Variants in PDSS2 observed in about 807,000 individuals in gnomAD.
The protein encoded by PDSS2 is decaprenyl diphosphate synthase subunit 2.
Under a neutral mutation model 44.5 loss-of-function variants are expected in PDSS2, and 31 were observed. The ratio of observed to expected loss-of-function variants is 0.70; its 90% CI spans 0.52 to 0.94. The LOEUF (loss-of-function observed/expected upper bound fraction) is 0.94, where lower values mean the gene tolerates loss of function less well. PDSS2 is among the 40% of genes least tolerant of loss of function. The probability of loss-of-function intolerance (pLI) is 0.00; values close to 1 mark genes in which losing one functional copy is unlikely to be tolerated. For missense variants in PDSS2, 452 were observed against 482.2 expected, an observed-to-expected ratio of 0.94 and a Z score of 0.59; for synonymous variants, 157 against 180.3, an observed-to-expected ratio of 0.87 and a Z score of 1.03.
At chr6:107,415,490 C>T (rs2114673494) in intron 1 of PDSS2, among the ~76,000 whole-genome samples, 1 of 152,148 alleles carries the variant, frequency 6.6e-6, no homozygotes, top group East Asian at 1.9e-4. Context: ...GGATTACTGT[C>T]TCCTTTGGTT....
intron 2 of PDSS2, among the ~76,000 whole-genome samples, chr6:107,326,389 C>A (rs980351858): frequency 2.0e-5 from 3 of 151,674 alleles, no homozygotes; most frequent in African/African-American, 7.3e-5. Context: ...GGATTACAGG[C>A]GTAAGCCACT....
intron 1 of PDSS2, among the ~76,000 whole-genome samples, chr6:107,363,451 C>T (rs941134059): frequency 2.0e-5 from 3 of 152,084 alleles, no homozygotes; most frequent in Admixed American, 6.5e-5. Flanking sequence ...CAGACCTTCG[C>T]GGTGAGTGTT....
intron 3 of PDSS2, among the ~76,000 whole-genome samples, chr6:107,247,499 A>G (rs1489886240): frequency 6.6e-6 from 1 of 152,210 alleles, no homozygotes; most frequent in African/African-American, 2.4e-5. Context: ...ACTTGAACAG[A>G]ACACACCTCC....
intron 3 of PDSS2, among the ~76,000 whole-genome samples, chr6:107,261,578 CTTTTTTTT>C (rs36106088): frequency 1.8e-5 from 2 of 112,842 alleles, no homozygotes; most frequent in African/African-American, 3.0e-5. Context: ...TCTTTTCTTT[CTTTTTTTT>C]TTTTTTTTTT....
chr6:107,301,323 G>C (rs2115064574), intron 2 of PDSS2, among the ~76,000 whole-genome samples: 1 of 152,254 alleles, frequency 6.6e-6, no homozygotes, highest in Non-Finnish European at 1.5e-5. Context: ...TGTGATTTTA[G>C]AGTAATAAAG....
intron 7 of PDSS2, among the ~76,000 whole-genome samples, chr6:107,161,925 T>G (rs1554246778): frequency 6.6e-6 from 1 of 152,216 alleles, no homozygotes; most frequent in Non-Finnish European, 1.5e-5. Context: ...GATAGTGATA[T>G]GCTAGTAAAT....
Position 107,201,390 on chromosome 6 carries a change from C to CAAAAAAAAAAAA in PDSS2, c.1009-7548_1009-7537dup, listed in dbSNP as rs747612959. 7.4e-3 allele frequency among the ~76,000 whole-genome samples: 384 copies of CAAAAAAAAAAAA among 51,912 alleles called. 11 individuals carry two copies. Among genetic ancestry groups the CAAAAAAAAAAAA allele is most frequent in the Middle Eastern group, 0.023 (1 of 44 alleles). 34.1% of individuals were successfully genotyped at this position (51,912 alleles called of 152,430 possible). A position where few individuals can be genotyped will look rare whatever the true frequency, so the allele number is the denominator to read the frequency against. On this transcript the variant is annotated intron_variant, in intron 6 of 7. Coordinates refer to ENST00000369037, the MANE Select transcript of PDSS2 (RefSeq NM_020381.4). ...TGTAAAACAATATTCCATACAAAAG[C>CAAAAAAAAAAAA]AAAAAAAAAAAAAAAAAAAAAAAAG...
chr6:107,314,102 A>G (rs995240668), intron 2 of PDSS2, among the ~76,000 whole-genome samples: 3 of 152,200 alleles, frequency 2.0e-5, no homozygotes, highest in African/African-American at 7.2e-5. Flanking sequence ...TGGGTGACAG[A>G]GAGAGATCCT....
chr6:107,378,933 C>T (rs1779374299), intron 1 of PDSS2, among the ~76,000 whole-genome samples: 1 of 152,178 alleles, frequency 6.6e-6, no homozygotes, highest in African/African-American at 2.4e-5. Context: ...ATAAAATCGC[C>T]ATGATTTAGC....
intron 1 of PDSS2, among the ~76,000 whole-genome samples, chr6:107,401,515 A>G (rs927256744): frequency 2.0e-5 from 3 of 152,212 alleles, no homozygotes; most frequent in Non-Finnish European, 4.4e-5. Context: ...ATGAAAAAAC[A>G]AGGTGCTATG....
intron 2 of PDSS2, among the ~76,000 whole-genome samples, chr6:107,329,892 T>G (rs1419537589): frequency 6.6e-6 from 1 of 151,650 alleles, no homozygotes; most frequent in East Asian, 1.9e-4. Context: ...TCCCAGCTAC[T>G]TGGGTAGCTC....
intron 4 of PDSS2, among the ~76,000 whole-genome samples, chr6:107,225,145 A>ATATATATATT (rs1562389073): frequency 2.0e-4 from 10 of 49,306 alleles, no homozygotes; most frequent in Non-Finnish European, 2.3e-4. Context: ...TTTTATATAT[A>ATATATATATT]TATATATATA....
chr6:107,287,607 T>G (rs1479625261), intron 2 of PDSS2, among the ~76,000 whole-genome samples: 1 of 151,924 alleles, frequency 6.6e-6, no homozygotes, highest in Non-Finnish European at 1.5e-5. Context: ...CTGCAACCTT[T>G]GCTTCCTGGG....
intron 4 of PDSS2, among the ~76,000 whole-genome samples, chr6:107,219,292 TTTTA>T (rs1351928252): frequency 6.6e-6 from 1 of 152,100 alleles, no homozygotes; most frequent in Non-Finnish European, 1.5e-5. Flanking sequence ...CGTGAATTTA[TTTTA>T]TTTATTTTTG....
At chr6:107,253,280 G>A (rs553243124) in intron 3 of PDSS2, among the ~76,000 whole-genome samples, 10 of 152,110 alleles carry the variant, frequency 6.6e-5, no homozygotes, top group South Asian at 2.1e-4. Context: ...CTCATGATCC[G>A]CCCGCCTCGG....
At chr6:107,234,692 G>A (rs1019071308) in intron 4 of PDSS2, among the ~76,000 whole-genome samples, 1 of 151,844 alleles carries the variant, frequency 6.6e-6, no homozygotes, top group Admixed American at 6.6e-5. Flanking sequence ...ACCAGTCTTT[G>A]GCTGGCAACT....
intron 1 of PDSS2, among the ~76,000 whole-genome samples, chr6:107,343,357 CT>C (rs1457936496): frequency 2.0e-5 from 3 of 152,160 alleles, no homozygotes; most frequent in African/African-American, 7.2e-5. Flanking sequence ...ATACTCTAAT[CT>C]TTTCTACTCC....
intron 3 of PDSS2, among the ~76,000 whole-genome samples, chr6:107,255,924 A>G (rs1422054717): frequency 1.3e-5 from 2 of 152,178 alleles, no homozygotes; most frequent in African/African-American, 4.8e-5. Flanking sequence ...ACTATGGAGT[A>G]TATTCTATTA....
intron 1 of PDSS2, among the ~76,000 whole-genome samples, chr6:107,389,436 T>C (rs1396916046): frequency 6.6e-6 from 1 of 150,514 alleles, no homozygotes; most frequent in Admixed American, 6.6e-5. Flanking sequence ...TGTTTCTTAC[T>C]TGGTAAAGCT....
Sources: allele counts gnomAD v4.1 joint callset (sites outside exome capture counted in the v4.1 genomes callset), GRCh38; gene constraint gnomAD v4.1.1; transcripts MANE v1.5; gene names NCBI Gene and HGNC (gene_info 2026-07-23, HGNC 2026-07-21).